COL21A1: variants seen among roughly 807,000 people sequenced by gnomAD.
COL21A1 encodes the protein collagen alpha-1(XXI) chain.
A neutral mutation model predicts 137.9 loss-of-function variants in COL21A1; 149 were observed. That is an observed-to-expected ratio of 1.08 (90% CI 0.95 to 1.24). COL21A1 has a LOEUF of 1.24. COL21A1 is among the 50% of genes most tolerant of loss of function. The pLI is 0.00. For synonymous variants in COL21A1, 456 were observed against 391.5 expected (o/e 1.16, Z -1.95); for missense variants, 1,167 against 1,158.4 (o/e 1.01, Z -0.11).
intron 1 of COL21A1, among the ~76,000 whole-genome samples, chr6:56,338,867 G>A (rs1348334306): frequency 6.6e-6 from 1 of 152,070 alleles, no homozygotes; most frequent in Non-Finnish European, 1.5e-5. Flanking sequence ...TAGACTTCTG[G>A]GGAGAAAGGT....
In COL21A1 at chr6:56,126,085, A is replaced by G. The variant is rs1489325292; in HGVS notation, c.1596+11T>C. 3 of 1,525,320 alleles carry G rather than the reference A, an allele frequency of 2.0e-6. No individual in the cohort carries two copies. Among genetic ancestry groups the G allele is most frequent in the Non-Finnish European group, 2.7e-6 (3 of 1,129,598 alleles). The allele number at this position is 1,525,320 out of a possible 1,614,324, so 94.5% of individuals were successfully genotyped here. On this transcript the variant is annotated intron_variant, in intron 13 of 29. Coordinates refer to ENST00000244728, the MANE Select transcript of COL21A1 (RefSeq NM_030820.4). Reference sequence around the variant, plus strand: ...GCTTTGCTATATTTAAAAGAAACAGATTTCTTCAACCTTTGATCCTGGCAT... The same window carrying G: ...GCTTTGCTATATTTAAAAGAAACAGGTTTCTTCAACCTTTGATCCTGGCAT...
chr6:56,136,484 G>A (rs1774013528), intron 12 of COL21A1, among the ~76,000 whole-genome samples: 1 of 152,176 alleles, frequency 6.6e-6, no homozygotes, highest in Non-Finnish European at 1.5e-5. Flanking sequence ...AGTGATTAAA[G>A]TCAAAGAGAA....
At chr6:56,163,690 G>A (rs1378109575) in intron 9 of COL21A1, among the ~76,000 whole-genome samples, 3 of 140,022 alleles carry the variant, frequency 2.1e-5, no homozygotes, top group African/African-American at 8.3e-5. Context: ...GCTGGCGATA[G>A]AGCAAGGCTC....
Position 56,060,652 on chromosome 6 carries a change from T to G in COL21A1, c.2407+89A>C, listed in dbSNP as rs568860616. On this transcript the variant is annotated intron_variant, in intron 27 of 29. Transcript: ENST00000244728. ...AATGTTATCTGTTTTCTTCTTCACC[T>G]CACTTATATCCTCTACAATATGTCC... The G allele has an allele frequency of 5.0e-6, 5 of 1,008,626 alleles. No homozygotes were observed. The African/African-American group carries it at 8.3e-5, about 17-fold the overall frequency. 62.5% of individuals were successfully genotyped at this position (1,008,626 alleles called of 1,614,324 possible).
At chr6:56,190,171 A>G (rs1277494419) in intron 1 of COL21A1, among the ~76,000 whole-genome samples, 1 of 152,190 alleles carries the variant, frequency 6.6e-6, no homozygotes, top group Non-Finnish European at 1.5e-5. Context: ...TTTTGAAAAG[A>G]TCAACAAAAT....
chr6:56,285,750 A>G (rs9475653), intron 1 of COL21A1, among the ~76,000 whole-genome samples: 129,129 of 150,276 alleles, frequency 0.86, 55,590 homozygotes, highest in East Asian at 0.91. Context: ...CTTCCCACTC[A>G]TTAAAACCTT....
At chr6:56,372,771 G>A (rs2093991797) in intron 1 of COL21A1, among the ~76,000 whole-genome samples, 1 of 152,150 alleles carries the variant, frequency 6.6e-6, no homozygotes, top group African/African-American at 2.4e-5. Flanking sequence ...TAATTCTGCA[G>A]TCCAGTTCTC....
In COL21A1 at chr6:56,316,477, C is replaced by CTTTTTTTTTTTTTTTTTTTTTT. The variant is rs60388494; in HGVS notation, c.-39+77472_-39+77493dup. On this transcript the variant is annotated intron_variant, in intron 1 of 28. Transcript: ENST00000370819. ...CACACCTTTTAAAATTCTAAATAGA[C>CTTTTTTTTTTTTTTTTTTTTTT]TTTTTTTTTTTTTTTTTTTTTTGAG... is the stretch of plus-strand genomic sequence containing the variant. Among the ~76,000 whole-genome samples the CTTTTTTTTTTTTTTTTTTTTTT allele has an allele frequency of 4.0e-5, 3 of 75,786 alleles. 1 individual carries two copies. Among genetic ancestry groups the CTTTTTTTTTTTTTTTTTTTTTT allele is most frequent in the Admixed American group, 2.3e-4 (1 of 4,274 alleles). 49.7% of individuals were successfully genotyped at this position (75,786 alleles called of 152,430 possible).
At chr6:56,269,655 A>T (rs1392217121) in intron 1 of COL21A1, among the ~76,000 whole-genome samples, 1 of 41,292 alleles carries the variant, frequency 2.4e-5, no homozygotes, top group African/African-American at 5.6e-5. Context: ...ACTCCGTCTC[A>T]AAAAAAAAAA....
Position 56,168,312 on chromosome 6 carries a change from T to A in COL21A1, c.1027-15A>T. ...TCAAACAACGTCTACAAAAAGAAAG[T>A]GTGGAAGATTCATAAATAAAGCCCC... On this transcript the variant is annotated splice_polypyrimidine_tract_variant and intron_variant, in intron 5 of 29. Transcript: ENST00000244728. The A allele has an allele frequency of 1.3e-6, 2 of 1,516,128 alleles. No individual in the cohort carries two copies. The highest frequency in any genetic ancestry group is 1.8e-6 in the Non-Finnish European group (2 of 1,124,576). The allele number at this position is 1,516,128 out of a possible 1,614,324, so 93.9% of individuals were successfully genotyped here.
chr6:56,249,068 T>A (rs962733769), upstream of COL21A1, among the ~76,000 whole-genome samples: 5 of 152,202 alleles, frequency 3.3e-5, no homozygotes, highest in Non-Finnish European at 7.3e-5. Context: ...ATGCACAAAG[T>A]ATTTAGACGT....
intron 1 of COL21A1, among the ~76,000 whole-genome samples, chr6:56,187,934 G>A (rs916540104): frequency 3.3e-5 from 5 of 151,896 alleles, no homozygotes; most frequent in African/African-American, 1.2e-4. Context: ...AAAACATATA[G>A]ATAATAAAAA....
chr6:56,320,544 CA>C (rs757288274), intron 1 of COL21A1, among the ~76,000 whole-genome samples: 7 of 146,202 alleles, frequency 4.8e-5, no homozygotes, highest in African/African-American at 1.1e-4. Context: ...CACACACACA[CA>C]CACCCCTCCC....
chr6:56,102,946 G>A (rs933512342), intron 16 of COL21A1, among the ~76,000 whole-genome samples: 2 of 152,030 alleles, frequency 1.3e-5, no homozygotes, highest in Non-Finnish European at 2.9e-5. Flanking sequence ...TAAAAATATT[G>A]GAGGAAAAAA....
intron 1 of COL21A1, among the ~76,000 whole-genome samples, chr6:56,298,445 T>C (rs1764207724): frequency 6.6e-6 from 1 of 151,966 alleles, no homozygotes; most frequent in African/African-American, 2.4e-5. Flanking sequence ...AGTGGGATGG[T>C]TGAGGATGGG....
At chr6:56,275,494 A>C (rs2152333064) in intron 1 of COL21A1, among the ~76,000 whole-genome samples, 1 of 152,324 alleles carries the variant, frequency 6.6e-6, no homozygotes, top group South Asian at 2.1e-4. Context: ...GGAATTTATA[A>C]GGATCTAAAA....
At chr6:56,314,453 G>GT (rs1764684563) in intron 1 of COL21A1, among the ~76,000 whole-genome samples, 1 of 152,036 alleles carries the variant, frequency 6.6e-6, no homozygotes, top group Admixed American at 6.6e-5. Context: ...CTAATTGTAA[G>GT]ATATGGGTTG....
chr6:56,201,131 G>T (rs1582627566), intron 1 of COL21A1, among the ~76,000 whole-genome samples: 1 of 152,028 alleles, frequency 6.6e-6, no homozygotes, highest in Non-Finnish European at 1.5e-5. Flanking sequence ...CATATCCTTT[G>T]CCCACTTTTT....
At chr6:56,260,519 A>T (rs997788809) in intron 1 of COL21A1, among the ~76,000 whole-genome samples, 5 of 150,918 alleles carry the variant, frequency 3.3e-5, no homozygotes, top group African/African-American at 9.8e-5. Context: ...GGTTGCAGTG[A>T]ACCAAGACTG....
Sources: gnomAD v4.1 joint callset for allele counts (sites outside exome capture counted in the v4.1 genomes callset) on GRCh38, gnomAD v4.1.1 for gene constraint, MANE v1.5 for transcripts, NCBI Gene and HGNC (gene_info 2026-07-23, HGNC 2026-07-21) for gene names.